Variants in AIMP2 observed in about 807,000 individuals in gnomAD.
The protein encoded by AIMP2 is aminoacyl tRNA synthase complex-interacting multifunctional protein 2.
In AIMP2, 20 loss-of-function variants were observed where a neutral mutation model predicts 23.4. That is an observed-to-expected ratio of 0.85 (90% confidence interval 0.60 to 1.24). The LOEUF (loss-of-function observed/expected upper bound fraction) is 1.24, where lower values mean the gene tolerates loss of function less well. AIMP2 is among the 50% of genes most tolerant of loss of function. The probability of loss-of-function intolerance (pLI) is 0.00; values close to 1 mark genes in which losing one functional copy is unlikely to be tolerated. For synonymous variants in AIMP2, 210 were observed against 170.4 expected (o/e 1.23, Z -1.81); for missense variants, 515 against 414.5 (o/e 1.24, Z -2.10).
At chr7:6,009,643 CT>C in intron 1 of AIMP2, 145 bp downstream of exon 1, 2 of 691,492 alleles carry the variant, frequency 2.9e-6, no homozygotes, top group South Asian at 4.4e-5. Context: ...CTCACTCAGA[CT>C]TTTATGTTTT....
At chr7:6,014,961 C>G in intron 1 of AIMP2, 185 bp from the exon 2 acceptor site, 1 of 1,333,762 alleles carries the variant, frequency 7.5e-7, no homozygotes, top group East Asian at 2.9e-5. Flanking sequence ...GTCAGATGAT[C>G]TGCCTACCTG....
chr7:6,011,195 G>A (rs1786667237), intron 1 of AIMP2, among the ~76,000 whole-genome samples: 1 of 152,052 alleles, frequency 6.6e-6, no homozygotes, highest in African/African-American at 2.4e-5. Flanking sequence ...CTAATGAATG[G>A]GACTGCTGGC....
Position 6,017,967 on chromosome 7 carries a change from C to A in AIMP2, c.496C>A (p.Leu166Ile), listed in dbSNP as rs34525431. 8,276 of 1,613,970 alleles carry A rather than the reference C, an allele frequency of 5.1e-3. 320 individuals are homozygous for A. In the African/African-American group the frequency reaches 0.09, roughly 18 times the overall value. The change falls in exon 3 of 4, where the codon CTC (leucine) becomes ATC (isoleucine). Residue 166 changes from leucine to isoleucine, a missense_variant. Transcript: ENST00000223029. ...SSVKSVPENL[L>I]KCFGEQNKKQ... ...GGTCAAGAGCGTGCCTGAAAACCTT[C>A]TCAAGTGCTTTGGAGAACAGAATAA...
chr7:6,017,790 T>C, intron 2 of AIMP2, 24 bp from the exon 3 acceptor site: 2 of 1,600,314 alleles, frequency 1.2e-6, no homozygotes, highest in Non-Finnish European at 1.7e-6. Flanking sequence ...CTGTTATTCG[T>C]ACATTGTCTT....
rs775245397 is a variant in AIMP2, at chr7:6,023,485, G to T, written c.757G>T (p.Ala253Ser). ...QLKEGSSKEK[A>S]AVFRSMNSAL... ...AAAAGAGGGAAGCAGTAAAGAAAAA[G>T]CCGCTGTTTTCCGCTCCATGAACTC... Residue 253 changes from alanine (A) to serine (S), a missense_variant, in exon 4 of 4, where the codon GCC becomes TCC. Ala to Ser is a moderately conservative substitution (Grantham distance 99, BLOSUM62 1). Transcript: ENST00000223029. The T allele has an allele frequency of 1.9e-6, 3 of 1,614,174 alleles. No individual in the cohort carries two copies. Among genetic ancestry groups the T allele is most frequent in the African/African-American group, 2.7e-5 (2 of 75,062 alleles).
chr7:6,018,164 T>TTTTTTTTG (rs71008350), intron 3 of AIMP2, 119 bp downstream of exon 3: 1 of 594,566 alleles, frequency 1.7e-6, no homozygotes, highest in Non-Finnish European at 2.6e-6. Flanking sequence ...TTTTTTTTTT[T>TTTTTTTTG]GAGACAGAGT....
In AIMP2 at chr7:6,009,525, T is replaced by C. The variant is rs751753364; in HGVS notation, c.135+27T>C. 3.5e-6 allele frequency: 5 copies of C among 1,430,958 alleles called. No homozygotes were observed. The African/African-American group carries it at 6.0e-5, about 17-fold the overall frequency. 88.6% of individuals were successfully genotyped at this position (1,430,958 alleles called of 1,614,324 possible). On this transcript the variant is annotated intron_variant, in intron 1 of 3. Transcript: ENST00000223029. ...TAGGAGCGCGGGGCCCCCCGCCCAG[T>C]GCGCACGCGCGGCGACCGGCTGCTG...
intron 3 of AIMP2, 51 bp downstream of exon 3, chr7:6,018,096 C>A (rs1787142046): frequency 7.0e-7 from 1 of 1,431,056 alleles, no homozygotes. Flanking sequence ...CCTTGAACAC[C>A]ATGAGTTTCA....
In AIMP2 at chr7:6,015,295, G is replaced by A. The variant is rs746565414; in HGVS notation, c.285G>A (p.Ala95=). The stretch of plus-strand genomic sequence containing the variant: ...TGGATGTAACCAACATAATCCAAGC[G>A]GATGAGCCCACGACTTTAACCACCA... ...ADLDVTNIIQ[A]DEPTTLTTNA... Residue 95 remains alanine, a synonymous_variant, in exon 2 of 4, where the codon GCG becomes GCA. Coordinates refer to ENST00000223029, the MANE Select transcript of AIMP2 (RefSeq NM_006303.4). 15 of 1,614,028 alleles carry A rather than the reference G, an allele frequency of 9.3e-6. No homozygotes were observed. The highest frequency in any genetic ancestry group is 5.3e-5 in the African/African-American group (4 of 74,908).
intron 3 of AIMP2, among the ~76,000 whole-genome samples, chr7:6,019,743 G>A (rs1787263538): frequency 6.6e-6 from 1 of 152,106 alleles, no homozygotes; most frequent in African/African-American, 2.4e-5. Flanking sequence ...GGGAAATTTG[G>A]TCGGGCACAG....
At chr7:6,014,433 T>C (rs1490787703) in intron 1 of AIMP2, among the ~76,000 whole-genome samples, 1 of 151,538 alleles carries the variant, frequency 6.6e-6, no homozygotes. Flanking sequence ...TATTTTTGTA[T>C]TTTTAGTAGA....
intron 1 of AIMP2, among the ~76,000 whole-genome samples, chr7:6,011,913 A>G (rs188727105): frequency 4.1e-4 from 62 of 152,326 alleles, no homozygotes; most frequent in Admixed American, 1.9e-3. Context: ...TCACTCTTCT[A>G]GCAGTTTCTC....
At chr7:6,022,325 A>C (rs1787484776) in intron 3 of AIMP2, 1 of 152,212 alleles carries the variant, frequency 6.6e-6, no homozygotes, top group Admixed American at 6.5e-5. Flanking sequence ...GTGTTAATCA[A>C]CTGTGATGGG....
At chr7:6,019,811 T>C (rs4720658) in intron 3 of AIMP2, among the ~76,000 whole-genome samples, 127,055 of 152,060 alleles carry the variant, frequency 0.84, 53,392 homozygotes, top group African/African-American at 0.91. Context: ...ATCACGAGGT[T>C]AAGAGATCAA....
rs929422782 is a variant in AIMP2, at chr7:6,018,050, G to A, written c.574+5G>A. On this transcript the variant is annotated splice_donor_5th_base_variant and intron_variant, in intron 3 of 3. Coordinates refer to ENST00000223029, the MANE Select transcript of AIMP2 (RefSeq NM_006303.4). ...TCACTTTAATTTGGAAGAATGGTAA[G>A]TAGACGGGACTGAGTTCAACTTACA... is the stretch of plus-strand genomic sequence containing the variant. 17 of 1,609,242 alleles carry A rather than the reference G, an allele frequency of 1.1e-5. No individual in the cohort carries two copies. Among genetic ancestry groups the A allele is most frequent in the Non-Finnish European group, 1.4e-5 (16 of 1,177,236 alleles).
Position 6,017,899 on chromosome 7 carries a change from G to A in AIMP2, c.428G>A (p.Cys143Tyr), listed in dbSNP as rs767955463. The A allele has an allele frequency of 1.9e-6, 3 of 1,614,106 alleles. No homozygotes were observed. The highest frequency in any genetic ancestry group is 2.5e-6 in the Non-Finnish European group (3 of 1,180,030). ...LSLLVLHRLL[C>Y]EHFRVLSTVH... ...CTGCTTGTGCTGCACAGGCTGCTCTGTGAGCACTTCAGGGTCCTGTCCACG... is the reference window on the plus strand; with the variant it reads ...CTGCTTGTGCTGCACAGGCTGCTCTATGAGCACTTCAGGGTCCTGTCCACG... The change falls in exon 3 of 4, where the codon TGT becomes TAT. Residue 143 changes from cysteine (C) to tyrosine (Y), a missense_variant. Physicochemically the swap from Cys to Tyr is radical, Grantham distance 194. Coordinates refer to ENST00000223029, the MANE Select transcript of AIMP2 (RefSeq NM_006303.4).
At chr7:6,009,974 A>AATATACATATATATATATATATAT (rs1786493450) in intron 1 of AIMP2, among the ~76,000 whole-genome samples, 2 of 26,674 alleles carry the variant, frequency 7.5e-5, no homozygotes, top group African/African-American at 1.4e-4. Context: ...AAAAAAAAAA[A>AATATACATATATATATATATATAT]ATATATATAT....
chr7:6,009,522 C>T, intron 1 of AIMP2, 24 bp downstream of exon 1: 2 of 1,450,586 alleles, frequency 1.4e-6, no homozygotes, highest in South Asian at 1.5e-5. Flanking sequence ...GCCCCCCGCC[C>T]AGTGCGCACG....
chr7:6,013,101 A>C (rs1786794175), intron 1 of AIMP2: 5 of 497,630 alleles, frequency 1.0e-5, no homozygotes, highest in Non-Finnish European at 1.0e-5. Flanking sequence ...CTCCTCGGAC[A>C]GTGTGGCTAG....
Sources: allele counts gnomAD v4.1 joint callset (sites outside exome capture counted in the v4.1 genomes callset), GRCh38; gene constraint gnomAD v4.1.1; transcripts MANE v1.5; gene names NCBI Gene and HGNC (gene_info 2026-07-23, HGNC 2026-07-21).